Variants in YAE1 observed in about 807,000 individuals in gnomAD.
YAE1 encodes the protein YAE1 maturation factor of ABCE1.
YAE1 carries 22 observed loss-of-function variants against 23.0 expected under a neutral mutation model. The ratio of observed to expected loss-of-function variants is 0.96; its 90% CI spans 0.68 to 1.37. The LOEUF is 1.37. Ranked by LOEUF, YAE1 falls within the 40% of genes most tolerant of loss-of-function variation. The probability of loss-of-function intolerance (pLI) is 0.00; values close to 1 mark genes in which losing one functional copy is unlikely to be tolerated. For missense variants in YAE1, 260 were observed against 262.1 expected, an observed-to-expected ratio of 0.99 and a Z score of 0.06; for synonymous variants, 101 against 97.0, an observed-to-expected ratio of 1.04 and a Z score of -0.24.
chr7:39,569,963 A>G, intron 1 of YAE1: 6 of 1,333,166 alleles, frequency 4.5e-6, no homozygotes, highest in Admixed American at 1.7e-5. Flanking sequence ...CTTTCACAAC[A>G]TTAACCTCAG....
Position 39,572,435 on chromosome 7 carries a change from T to C in YAE1, c.410T>C (p.Ile137Thr). ...CATGTTGTAGATTTATTGGACTCCA[T>C]TGAGGATATGGACCTTTGTCATGTA... ...PSHVVDLLDS[I>T]EDMDLCHVVP... is the part of the protein sequence containing the mutation. The change falls in exon 3 of 3, where the codon ATT becomes ACT. Residue 137 changes from isoleucine to threonine, a missense_variant. Transcript: ENST00000223273. The C allele has an allele frequency of 1.2e-6, 2 of 1,614,144 alleles. No individual in the cohort carries two copies. Among genetic ancestry groups the C allele is most frequent in the South Asian group, 2.2e-5 (2 of 91,084 alleles).
rs371414295 is a variant in YAE1, at chr7:39,572,395, A to G, written c.370A>G (p.Ile124Val). Residue 124 changes from isoleucine to valine, a missense_variant, in exon 3 of 3, where the codon ATC (isoleucine) becomes GTC (valine). Ile to Val is a conservative substitution (Grantham distance 29, BLOSUM62 3). Coordinates refer to ENST00000223273, the MANE Select transcript of YAE1 (RefSeq NM_020192.5). ...GTATGTGCTCAAACATCTGAAATCA[A>G]TCACTCCACCGTCCCATGTTGTAGA... ...EEYVLKHLKS[I>V]TPPSHVVDLL... 40 of 1,614,028 alleles carry G rather than the reference A, an allele frequency of 2.5e-5. No individual in the cohort carries two copies. Among genetic ancestry groups the G allele is most frequent in the Non-Finnish European group, 3.3e-5 (39 of 1,179,992 alleles).
At chr7:39,588,320 T>A (rs763962482) in intron 2 of YAE1, among the ~76,000 whole-genome samples, 4 of 152,144 alleles carry the variant, frequency 2.6e-5, no homozygotes, top group Non-Finnish European at 5.9e-5. Context: ...AAGAACAGCC[T>A]GGCCAACATG....
downstream of YAE1, among the ~76,000 whole-genome samples, chr7:39,577,230 T>C (rs1426712676): frequency 1.3e-5 from 2 of 152,238 alleles, no homozygotes; most frequent in Non-Finnish European, 2.9e-5. Context: ...TTATCTTCAT[T>C]TTGCATGTTA....
At chr7:39,587,695 A>G (rs1257862639) in intron 2 of YAE1, among the ~76,000 whole-genome samples, 2 of 152,216 alleles carry the variant, frequency 1.3e-5, no homozygotes, top group Non-Finnish European at 2.9e-5. Context: ...TTATGTATCA[A>G]AATACATATT....
At chr7:39,574,762 A>G (rs1364096143), downstream of YAE1, among the ~76,000 whole-genome samples, 1 of 149,674 alleles carries the variant, frequency 6.7e-6, no homozygotes, top group African/African-American at 2.5e-5. Flanking sequence ...AAAATCCGAC[A>G]GCCATGGTGT....
chr7:39,569,364 A>G (rs1790529205), intron 1 of YAE1: 5 of 373,744 alleles, frequency 1.3e-5, no homozygotes, highest in South Asian at 1.1e-4. Flanking sequence ...TGATATTAAG[A>G]TAACTATACA....
intron 1 of YAE1, among the ~76,000 whole-genome samples, chr7:39,567,839 A>G (rs902511599): frequency 6.6e-6 from 1 of 152,206 alleles, no homozygotes; most frequent in Non-Finnish European, 1.5e-5. Context: ...GAAATTGTCT[A>G]CTACATAATG....
chr7:39,609,996 T>G (rs1257261894), exon 3 of YAE1: 1 of 1,514,042 alleles, frequency 6.6e-7, no homozygotes, highest in Non-Finnish European at 8.8e-7. Context: ...GAAGTTGTTC[T>G]TAATCAGAGG....
At chr7:39,571,518 G>A (rs1790565868) in intron 2 of YAE1, among the ~76,000 whole-genome samples, 1 of 151,984 alleles carries the variant, frequency 6.6e-6, no homozygotes, top group African/African-American at 2.4e-5. Context: ...TGGGATTTTA[G>A]AAAATCCAAC....
At chr7:39,596,695 G>A (rs1393534310) in intron 2 of YAE1, among the ~76,000 whole-genome samples, 1 of 152,026 alleles carries the variant, frequency 6.6e-6, no homozygotes, top group Non-Finnish European at 1.5e-5. Flanking sequence ...GACGTTACGT[G>A]AAAAGTGCCT....
intron 2 of YAE1, among the ~76,000 whole-genome samples, chr7:39,603,212 C>T (rs1291849792): frequency 6.6e-6 from 1 of 152,084 alleles, no homozygotes; most frequent in Non-Finnish European, 1.5e-5. Context: ...TGCAGTGGCG[C>T]GATCTCGGCT....
exon 3 of YAE1, chr7:39,609,748 C>T (rs1791181617): frequency 6.5e-7 from 1 of 1,535,314 alleles, no homozygotes; most frequent in Non-Finnish European, 8.7e-7. Flanking sequence ...AAGCAGCCCA[C>T]GGAGCTCGAG....
At chr7:39,593,177 CTT>C (rs56303591) in intron 2 of YAE1, among the ~76,000 whole-genome samples, 9 of 72,118 alleles carry the variant, frequency 1.2e-4, no homozygotes, top group African/African-American at 1.7e-4. Context: ...TTGGTTATTT[CTT>C]TTTTTTTTTT....
At chr7:39,607,358 A>C (rs528463380) in intron 2 of YAE1, among the ~76,000 whole-genome samples, 5 of 152,344 alleles carry the variant, frequency 3.3e-5, no homozygotes, top group African/African-American at 1.2e-4. Context: ...ATCCTGGATT[A>C]TCCTATAATC....
At chr7:39,575,571 A>AGAGG (rs1562590531), downstream of YAE1, among the ~76,000 whole-genome samples, 1 of 92,998 alleles carries the variant, frequency 1.1e-5, no homozygotes, top group Non-Finnish European at 2.0e-5. Flanking sequence ...AGAGAGAGAG[A>AGAGG]GAGAGAGTGA....
chr7:39,598,728 G>A (rs570376726), intron 2 of YAE1, among the ~76,000 whole-genome samples: 3 of 149,504 alleles, frequency 2.0e-5, no homozygotes, highest in African/African-American at 7.4e-5. Context: ...AGTGAGCTAT[G>A]ACCATGCCAC....
intron 2 of YAE1, among the ~76,000 whole-genome samples, chr7:39,603,224 C>T (rs527737709): frequency 2.6e-5 from 4 of 151,780 alleles, no homozygotes; most frequent in Non-Finnish European, 5.9e-5. Context: ...ATCTCGGCTC[C>T]ACCTGCAGGG....
chr7:39,572,341 C>A lies in YAE1; in HGVS notation c.316C>A (p.Leu106Ile). The A allele has an allele frequency of 6.2e-7, 1 of 1,614,000 alleles. No homozygotes were observed. The highest frequency in any genetic ancestry group is 8.5e-7 in the Non-Finnish European group (1 of 1,179,928). Residue 106 changes from leucine (L) to isoleucine (I), a missense_variant, in exon 3 of 3, where the codon CTT (leucine) becomes ATT (isoleucine). Coordinates refer to ENST00000223273, the MANE Select transcript of YAE1 (RefSeq NM_020192.5). ...NSTLINKINN[L>I]LDAVGQCEEY... is the part of the protein sequence containing the mutation. The stretch of plus-strand genomic sequence containing the variant: ...AACTTTGATCAATAAAATAAACAAT[C>A]TTCTGGATGCAGTTGGCCAGTGTGA...
Sources: gnomAD v4.1 joint callset for allele counts (sites outside exome capture counted in the v4.1 genomes callset) on GRCh38, gnomAD v4.1.1 for gene constraint, MANE v1.5 for transcripts, NCBI Gene and HGNC (gene_info 2026-07-23, HGNC 2026-07-21) for gene names.